EYS: variants seen among roughly 807,000 people sequenced by gnomAD.
The protein encoded by EYS is EGF-like photoreceptor maintenance factor.
Under a neutral mutation model 282.1 loss-of-function variants are expected in EYS, and 250 were observed. That is an observed-to-expected ratio of 0.89 (90% CI 0.80 to 0.98). The LOEUF is 0.98. Ranked by LOEUF, EYS falls within the 50% of genes least tolerant of loss-of-function variation. The pLI, the probability that EYS is intolerant of heterozygous loss-of-function variation, is 0.00. For missense variants in EYS, 4,016 were observed against 3,709.0 expected, an observed-to-expected ratio of 1.08 and a Z score of -2.15; for synonymous variants, 1,355 against 1,282.9, an observed-to-expected ratio of 1.06 and a Z score of -1.20.
chr6:64,221,505 T>A (rs1169677668), intron 31 of EYS, among the ~76,000 whole-genome samples: 1 of 152,140 alleles, frequency 6.6e-6, no homozygotes, highest in African/African-American at 2.4e-5. Context: ...AACCATTAAA[T>A]TTCTGTTTAT....
At chr6:64,529,944 A>C (rs1173533588) in intron 26 of EYS, among the ~76,000 whole-genome samples, 1 of 152,088 alleles carries the variant, frequency 6.6e-6, no homozygotes, top group East Asian at 1.9e-4. Flanking sequence ...TGTAAGTAGA[A>C]AGCCAGCTTC....
intron 5 of EYS, among the ~76,000 whole-genome samples, chr6:65,465,117 A>G (rs897118138): frequency 1.3e-5 from 2 of 152,176 alleles, no homozygotes; most frequent in Non-Finnish European, 2.9e-5. Context: ...AAGAACATAC[A>G]ATGTCTATAA....
chr6:63,761,430 C>G (rs1190732651), intron 41 of EYS, among the ~76,000 whole-genome samples: 1 of 152,044 alleles, frequency 6.6e-6, no homozygotes, highest in Non-Finnish European at 1.5e-5. Context: ...TTCTAACCCT[C>G]AAATGTCTTC....
intron 2 of EYS, among the ~76,000 whole-genome samples, chr6:65,546,992 A>G (rs1768416521): frequency 6.6e-6 from 1 of 152,140 alleles, no homozygotes; most frequent in Non-Finnish European, 1.5e-5. Flanking sequence ...TCAATCTAAA[A>G]CAACTAAAGG....
intron 41 of EYS, among the ~76,000 whole-genome samples, chr6:63,739,125 T>C (rs114720030): frequency 0.012 from 1,833 of 152,280 alleles, 30 homozygotes; most frequent in African/African-American, 0.042. Flanking sequence ...TAATGGATTG[T>C]AATCTATTAT....
intron 5 of EYS, among the ~76,000 whole-genome samples, chr6:65,471,772 T>C (rs1193927643): frequency 6.6e-6 from 1 of 152,160 alleles, no homozygotes; most frequent in Non-Finnish European, 1.5e-5. Context: ...TTATGTAAAT[T>C]ACCATTACTA....
At chr6:64,935,579 A>G (rs1002859377) in intron 15 of EYS, among the ~76,000 whole-genome samples, 24 of 151,690 alleles carry the variant, frequency 1.6e-4, no homozygotes, top group Non-Finnish European at 3.2e-4. Context: ...AATGATCAAG[A>G]AAAAACAGAG....
intron 13 of EYS, among the ~76,000 whole-genome samples, chr6:65,011,237 G>A (rs1338700965): frequency 6.6e-6 from 1 of 152,160 alleles, no homozygotes; most frequent in Admixed American, 6.5e-5. Context: ...CGATCAGATG[G>A]CCAAATTATT....
At chr6:64,061,230 T>G (rs1453995694) in intron 33 of EYS, among the ~76,000 whole-genome samples, 1 of 152,180 alleles carries the variant, frequency 6.6e-6, no homozygotes, top group African/African-American at 2.4e-5. Context: ...AATAGAATAC[T>G]GGGTAAAAGT....
chr6:64,023,870 T>C (rs1427431730), intron 33 of EYS, among the ~76,000 whole-genome samples: 1 of 152,158 alleles, frequency 6.6e-6, no homozygotes, highest in African/African-American at 2.4e-5. Context: ...CCCGCACTCG[T>C]AGTGGCCGGC....
At chr6:65,270,223 G>T (rs940158314) in intron 12 of EYS, among the ~76,000 whole-genome samples, 1 of 152,144 alleles carries the variant, frequency 6.6e-6, no homozygotes, top group Non-Finnish European at 1.5e-5. Context: ...GAAGGAAGGG[G>T]TGATGGGTCT....
chr6:63,737,854 T>A (rs1256977851), intron 41 of EYS, among the ~76,000 whole-genome samples: 9 of 151,876 alleles, frequency 5.9e-5, no homozygotes, highest in Non-Finnish European at 7.4e-5. Flanking sequence ...AGGGCTAATA[T>A]CCAGAATCTA....
chr6:65,349,215 G>A (rs1477259232), intron 9 of EYS, among the ~76,000 whole-genome samples: 2 of 151,404 alleles, frequency 1.3e-5, no homozygotes, highest in African/African-American at 2.4e-5. Context: ...CTACCAATGC[G>A]GTGGTGCCAT....
chr6:64,599,153 G>T (rs1343066145), intron 24 of EYS, among the ~76,000 whole-genome samples: 1 of 152,086 alleles, frequency 6.6e-6, no homozygotes, highest in Non-Finnish European at 1.5e-5. Context: ...ATTATAGGAA[G>T]CCATTGGAAT....
intron 22 of EYS, among the ~76,000 whole-genome samples, chr6:64,739,375 C>A (rs908140174): frequency 6.6e-6 from 1 of 152,166 alleles, no homozygotes; most frequent in Middle Eastern, 3.4e-3. Flanking sequence ...CTGTGTATAC[C>A]AACCAAGGAA....
chr6:64,876,660 T>C (rs1021686005), intron 19 of EYS, among the ~76,000 whole-genome samples: 3 of 152,040 alleles, frequency 2.0e-5, no homozygotes, highest in African/African-American at 7.2e-5. Flanking sequence ...AAAAGGTAAT[T>C]GAATAGAGTG....
chr6:65,599,279 C>T (rs763622410), intron 2 of EYS, among the ~76,000 whole-genome samples: 13 of 152,052 alleles, frequency 8.5e-5, no homozygotes, highest in South Asian at 4.1e-4. Context: ...TGTTGTTCAA[C>T]GGTAAACTGT....
At chr6:65,189,273 A>G (rs918569794) in intron 12 of EYS, among the ~76,000 whole-genome samples, 1 of 151,726 alleles carries the variant, frequency 6.6e-6, no homozygotes, top group African/African-American at 2.4e-5. Flanking sequence ...TCCTTATTCA[A>G]TATCAACTTG....
intron 1 of EYS, among the ~76,000 whole-genome samples, chr6:65,648,013 T>TAAAATAA (rs61345539): frequency 0.82 from 123,551 of 151,068 alleles, 50,624 homozygotes; most frequent in East Asian, 0.85. Flanking sequence ...ATGGCCAAAA[T>TAAAATAA]AAAATAAAAA....
Sources: gnomAD v4.1 joint callset for allele counts (sites outside exome capture counted in the v4.1 genomes callset) on GRCh38, gnomAD v4.1.1 for gene constraint, MANE v1.5 for transcripts, NCBI Gene and HGNC (gene_info 2026-07-23, HGNC 2026-07-21) for gene names.